The following PTPRF variants were observed in gnomAD, a reference collection of about 807,000 sequenced individuals.
The protein encoded by PTPRF is receptor-type tyrosine-protein phosphatase F.
In PTPRF, 59 loss-of-function variants were observed where a neutral mutation model predicts 201.8. The observed-to-expected ratio is 0.29, with a 90% CI of 0.24 to 0.36. The LOEUF (loss-of-function observed/expected upper bound fraction) is 0.36, where lower values mean the gene tolerates loss of function less well. Among genes scored for constraint, PTPRF ranks in the 10% least tolerant of loss-of-function variants. The probability of loss-of-function intolerance (pLI) is 1.00; values close to 1 mark genes in which losing one functional copy is unlikely to be tolerated. For synonymous variants in PTPRF, 1,088 were observed against 1,089.7 expected, an observed-to-expected ratio of 1.00 and a Z score of 0.03; for missense variants, 2,132 against 2,690.5, an observed-to-expected ratio of 0.79 and a Z score of 4.59.
At chr1:43,602,647 T>A (rs898463103) in intron 14 of PTPRF, among the ~76,000 whole-genome samples, 3 of 152,142 alleles carry the variant, frequency 2.0e-5, no homozygotes, top group Non-Finnish European at 2.9e-5. Flanking sequence ...TGCTTCCCAC[T>A]CTTCTCTCTG....
At chr1:43,619,900 C>T (rs1457735189) in intron 29 of PTPRF, 42 bp downstream of exon 29, 1 of 1,600,924 alleles carries the variant, frequency 6.2e-7, no homozygotes, top group East Asian at 2.2e-5. Context: ...CTACAGGGGC[C>T]TAGGCCTGTG....
intron 3 of PTPRF, among the ~76,000 whole-genome samples, chr1:43,551,944 C>G (rs570820239): frequency 3.3e-5 from 5 of 152,084 alleles, no homozygotes; most frequent in African/African-American, 1.2e-4. Context: ...AGTTCCTTCT[C>G]TGTTGGTACC....
At chr1:43,608,927 C>T (rs1163417537) in intron 21 of PTPRF, among the ~76,000 whole-genome samples, 1 of 152,176 alleles carries the variant, frequency 6.6e-6, no homozygotes, top group Non-Finnish European at 1.5e-5. Context: ...CCCGTCCCTC[C>T]CCTGCTGCCC....
intron 25 of PTPRF, 83 bp from the exon 26 acceptor site, chr1:43,618,547 A>T: frequency 6.6e-7 from 1 of 1,509,998 alleles, no homozygotes; most frequent in Non-Finnish European, 9.0e-7. Flanking sequence ...GGCTACAGCC[A>T]GGGAGTTGAC....
intron 22 of PTPRF, chr1:43,612,934 TC>T: frequency 1.4e-6 from 1 of 725,176 alleles, no homozygotes; most frequent in Non-Finnish European, 2.1e-6. Context: ...TCTCCCCCAA[TC>T]CCACTGTCTC....
Position 43,554,707 on chromosome 1 carries a change from C to T in PTPRF, c.379+766C>T, listed in dbSNP as rs1645235730. Among the ~76,000 whole-genome samples, 1 of 152,258 alleles carries T rather than the reference C, an allele frequency of 6.6e-6. No individual in the cohort carries two copies. The highest frequency in any genetic ancestry group is 2.1e-4 in the South Asian group (1 of 4,818). ...ACACAGGATCTGGCTGAGAAATGAA[C>T]ACTCTCCTAGGGACATAGGAAGCCA... On this transcript the variant is annotated intron_variant, in intron 5 of 33. Transcript: ENST00000359947. The surrounding 1 kb of genome is among the most constrained non-coding windows in gnomAD (Gnocchi z 4.1).
chr1:43,571,715 G>A (rs1026543975), intron 6 of PTPRF, among the ~76,000 whole-genome samples: 2 of 152,158 alleles, frequency 1.3e-5, no homozygotes, highest in South Asian at 4.1e-4. Flanking sequence ...TCATCCTGTA[G>A]GTCAGGTTTG....
chr1:43,534,873 A>C (rs1246750837), intron 1 of PTPRF, among the ~76,000 whole-genome samples: 4 of 152,228 alleles, frequency 2.6e-5, no homozygotes, highest in Non-Finnish European at 4.4e-5. Flanking sequence ...CAAGTGGCTT[A>C]ACCTCTCTGA....
intron 3 of PTPRF, among the ~76,000 whole-genome samples, chr1:43,551,495 C>T (rs1260579169): frequency 6.6e-6 from 1 of 152,096 alleles, no homozygotes; most frequent in Non-Finnish European, 1.5e-5. Context: ...TTTCTGGTCC[C>T]TACAGCCTCC....
chr1:43,590,142 C>G (rs1650287241), intron 8 of PTPRF, among the ~76,000 whole-genome samples: 1 of 152,188 alleles, frequency 6.6e-6, no homozygotes, highest in African/African-American at 2.4e-5. Context: ...TGCCGTGCTC[C>G]TTGCCTGGCC....
Position 43,622,085 on chromosome 1 carries a change from C to T in PTPRF, c.*82C>T. The T allele has an allele frequency of 1.4e-6, 2 of 1,447,566 alleles. No homozygotes were observed. Among genetic ancestry groups the T allele is most frequent in the South Asian group, 1.1e-5 (1 of 87,412 alleles). 89.7% of individuals were successfully genotyped at this position (1,447,566 alleles called of 1,614,324 possible). ...TCCTCTGAGCCATACCGACCATCGT[C>T]CAGCCCTCCTACGCAGATGCTGTCA... is the stretch of plus-strand genomic sequence containing the variant. On this transcript the variant is annotated 3_prime_UTR_variant, in exon 34 of 34. Transcript: ENST00000359947.
chr1:43,614,724 G>A (rs1657307144), intron 23 of PTPRF, among the ~76,000 whole-genome samples: 1 of 152,166 alleles, frequency 6.6e-6, no homozygotes, highest in African/African-American at 2.4e-5. Flanking sequence ...GGTGGCACAT[G>A]CCTGTAGTCC....
At chr1:43,604,855 C>T (rs1654662193) in intron 16 of PTPRF, 48 bp from the exon 17 acceptor site, 1 of 1,535,180 alleles carries the variant, frequency 6.5e-7, no homozygotes, top group South Asian at 1.1e-5. Flanking sequence ...AGCCCATTCA[C>T]CCCACCTCAT....
In PTPRF at chr1:43,604,014, G is replaced by A. The variant is rs965152540; in HGVS notation, c.2862G>A (p.Val954=). Residue 954 remains valine (V), a synonymous_variant, in exon 16 of 34, where the codon GTG becomes GTA. Coordinates refer to ENST00000359947, the MANE Select transcript of PTPRF (RefSeq NM_002840.5). ...GGCGCATCATCAGCTACACCGTGGTGTTCCGAGACATCAACAGCCAACAGG... is the reference window on the plus strand; with the variant it reads ...GGCGCATCATCAGCTACACCGTGGTATTCCGAGACATCAACAGCCAACAGG... The part of the protein sequence containing the change: ...RNGRIISYTV[V]FRDINSQQEL... 2 of 1,614,218 alleles carry A rather than the reference G, an allele frequency of 1.2e-6. No individual in the cohort carries two copies. Among genetic ancestry groups the A allele is most frequent in the African/African-American group, 1.3e-5 (1 of 75,058 alleles).
At chr1:43,593,277 C>T (rs1196977473) in intron 11 of PTPRF, among the ~76,000 whole-genome samples, 1 of 152,194 alleles carries the variant, frequency 6.6e-6, no homozygotes. Context: ...GAGTGTGTGA[C>T]CACACCTGAC....
At position 43,545,170 on chromosome 1, in the gene PTPRF, AG is replaced by A. The variant is rs1264064861; in HGVS notation, c.91+5del. On this transcript the variant is annotated splice_donor_5th_base_variant and intron_variant, in intron 3 of 33. Transcript: ENST00000359947. Reference sequence around the variant, plus strand: ...GTGGCAGGCGCCCATGGTGACAGTAAGTCTGACCCCTCAAGGTACAGATCTC... The same window carrying A: ...GTGGCAGGCGCCCATGGTGACAGTAATCTGACCCCTCAAGGTACAGATCTC... 6.4e-7 allele frequency: 1 copy of A among 1,571,472 alleles called. No homozygotes were observed. The highest frequency in any genetic ancestry group is 8.6e-7 in the Non-Finnish European group (1 of 1,157,874).
At chr1:43,585,453 T>C (rs140917527) in intron 7 of PTPRF, among the ~76,000 whole-genome samples, 1 of 152,242 alleles carries the variant, frequency 6.6e-6, no homozygotes, top group African/African-American at 2.4e-5. Context: ...AGTGTCCTTG[T>C]GAGAGTGAAG....
Position 43,608,783 on chromosome 1 carries a change from C to T in PTPRF, c.3858-600C>T, listed in dbSNP as rs190159566. On this transcript the variant is annotated intron_variant, in intron 21 of 33. Transcript: ENST00000359947. ...CAAATTCTTCTTTCCGAAGCACATG[C>T]GTCTGCAGACCACAAGTAGCCTCTG... Among the ~76,000 whole-genome samples, 82 of 152,318 alleles carry T rather than the reference C, an allele frequency of 5.4e-4. No individual in the cohort carries two copies. In the East Asian group the frequency reaches 0.013, roughly 25 times the overall value.
intron 13 of PTPRF, among the ~76,000 whole-genome samples, chr1:43,600,102 C>A (rs573843035): frequency 6.6e-6 from 1 of 152,244 alleles, no homozygotes; most frequent in African/African-American, 2.4e-5. Context: ...TCTCTTCCCC[C>A]TCTCAGCCTG....
Sources: gnomAD v4.1 joint callset for allele counts (sites outside exome capture counted in the v4.1 genomes callset) on GRCh38, gnomAD v4.1.1 for gene constraint, Gnocchi (gnomAD v3.1) non-coding constraint, MANE v1.5 for transcripts, NCBI Gene and HGNC (gene_info 2026-07-23, HGNC 2026-07-21) for gene names.